Variants in PCDHGA11 observed in about 807,000 individuals in gnomAD.
PCDHGA11 encodes protocadherin gamma subfamily A, 11, also known as protocadherin gamma-A11.
In PCDHGA11, 39 loss-of-function variants were observed where a neutral mutation model predicts 60.4. The observed-to-expected ratio is 0.65, with a 90% confidence interval of 0.50 to 0.84. The LOEUF (loss-of-function observed/expected upper bound fraction) is 0.84, where lower values mean the gene tolerates loss of function less well. Ranked by LOEUF, PCDHGA11 falls within the 40% of genes least tolerant of loss-of-function variation. PCDHGA11 has a pLI of 0.00. For synonymous variants in PCDHGA11, 533 were observed against 510.3 expected, an observed-to-expected ratio of 1.04 and a Z score of -0.60; for missense variants, 1,165 against 1,197.7, an observed-to-expected ratio of 0.97 and a Z score of 0.40.
chr5:141,428,288 A>G (rs1413902705), intron 1 of PCDHGA11: 1 of 728,846 alleles, frequency 1.4e-6, no homozygotes, highest in Middle Eastern at 2.3e-4. Flanking sequence ...TCCCAAGCAA[A>G]GCTGCAGATT....
At chr5:141,461,830 CTT>C (rs1030113508) in intron 1 of PCDHGA11, among the ~76,000 whole-genome samples, 1 of 145,180 alleles carries the variant, frequency 6.9e-6, no homozygotes, top group Non-Finnish European at 1.5e-5. Context: ...ATTTTTTTTT[CTT>C]TTTTTTTTGA....
intron 3 of PCDHGA11, chr5:141,507,291 T>A (rs956764262): frequency 3.4e-5 from 5 of 147,704 alleles, no homozygotes; most frequent in African/African-American, 5.1e-5. Flanking sequence ...CAGTCTCAAA[T>A]GTTGCATGAG....
At chr5:141,457,108 T>C (rs186630889) in intron 1 of PCDHGA11, among the ~76,000 whole-genome samples, 40 of 152,338 alleles carry the variant, frequency 2.6e-4, no homozygotes, top group African/African-American at 9.1e-4. Flanking sequence ...TTAAGCAAAA[T>C]ACGACAGCAA....
Position 141,502,395 on chromosome 5 carries a change from G to A in PCDHGA11, c.2493-2998G>A, listed in dbSNP as rs115188718. The stretch of plus-strand genomic sequence containing the variant: ...GTCCAGGCCAGTTGTACTTTAAAAT[G>A]TCCCCGAACCTGGATTTGCTGGCTA... On this transcript the variant is annotated intron_variant, in intron 2 of 3. Transcript: ENST00000398587. Among the ~76,000 whole-genome samples, 610 of 151,894 alleles carry A rather than the reference G, an allele frequency of 4.0e-3. 3 individuals carry two copies. Among genetic ancestry groups the A allele is most frequent in the African/African-American group, 0.013 (553 of 41,410 alleles).
Position 141,490,867 on chromosome 5 carries a change from C to G in PCDHGA11, c.2434-3940C>G. ...GGGGGTTCGAGACTCCGGCTCTCCC[C>G]CATTGCATGCCAACACATCTCTGCA... On this transcript the variant is annotated intron_variant, in intron 1 of 3. Coordinates refer to ENST00000398587, the MANE Select transcript of PCDHGA11 (RefSeq NM_018914.3). This position sits in a 1 kb window ranked among gnomAD's most constrained non-coding sequence, Gnocchi z 5.4. 6.2e-7 allele frequency: 1 copy of G among 1,613,912 alleles called. No individual in the cohort carries two copies. The highest frequency in any genetic ancestry group is 8.5e-7 in the Non-Finnish European group (1 of 1,179,936).
At chr5:141,470,734 G>C (rs970003510) in intron 1 of PCDHGA11, among the ~76,000 whole-genome samples, 1 of 152,128 alleles carries the variant, frequency 6.6e-6, no homozygotes, top group South Asian at 2.1e-4. Context: ...GTCTTGCTCT[G>C]TCGCCCTGGC....
chr5:141,451,209 G>C (rs556588482), intron 1 of PCDHGA11, among the ~76,000 whole-genome samples: 1 of 152,266 alleles, frequency 6.6e-6, no homozygotes, highest in African/African-American at 2.4e-5. Flanking sequence ...CCAAAACTTA[G>C]TGGCTTAAAA....
At position 141,487,144 on chromosome 5, in the gene PCDHGA11, C is replaced by T. The variant is rs2099640304; in HGVS notation, c.2434-7663C>T. The T allele has an allele frequency of 6.2e-7, 1 of 1,614,032 alleles. No homozygotes were observed. Among genetic ancestry groups the T allele is most frequent in the African/African-American group, 1.3e-5 (1 of 75,056 alleles). On this transcript the variant is annotated intron_variant, in intron 1 of 3. Coordinates refer to ENST00000398587, the MANE Select transcript of PCDHGA11 (RefSeq NM_018914.3). This position sits in a 1 kb window ranked among gnomAD's most constrained non-coding sequence, Gnocchi z 5.0. ...ATAGTGGTAGTCCACCACTCTCTAC[C>T]TCTGTTACTCTCTTAGTGTCCTTAG...
chr5:141,462,477 G>A (rs1430561580), intron 1 of PCDHGA11, among the ~76,000 whole-genome samples: 1 of 151,828 alleles, frequency 6.6e-6, no homozygotes, highest in East Asian at 1.9e-4. Flanking sequence ...TCTGCTTCTC[G>A]TGGTTGTTGT....
chr5:141,429,395 A>T (rs545207705), intron 1 of PCDHGA11, among the ~76,000 whole-genome samples: 166 of 152,126 alleles, frequency 1.1e-3, no homozygotes, highest in African/African-American at 3.8e-3. Flanking sequence ...TTTAAAAAAA[A>T]TTGAGATTAA....
chr5:141,494,394 T>C (rs1437164389), intron 1 of PCDHGA11, among the ~76,000 whole-genome samples: 1 of 152,154 alleles, frequency 6.6e-6, no homozygotes, highest in African/African-American at 2.4e-5. Flanking sequence ...GTTGAATAAA[T>C]TCATTCTAGG....
chr5:141,471,204 C>T (rs1349368582), intron 1 of PCDHGA11: 2 of 151,866 alleles, frequency 1.3e-5, no homozygotes, highest in African/African-American at 4.8e-5. Flanking sequence ...CACCCACCCC[C>T]ATGCCTGGCA....
intron 1 of PCDHGA11, among the ~76,000 whole-genome samples, chr5:141,456,483 CTTAATA>C (rs2098861684): frequency 1.3e-5 from 2 of 152,072 alleles, no homozygotes; most frequent in African/African-American, 4.8e-5. Context: ...CAAGAGAGTG[CTTAATA>C]AAGGGGTTAA....
At chr5:141,481,531 G>A (rs1342825952) in intron 1 of PCDHGA11, among the ~76,000 whole-genome samples, 2 of 152,206 alleles carry the variant, frequency 1.3e-5, no homozygotes, top group African/African-American at 4.8e-5. Context: ...AAAATCTAGA[G>A]ATGGGGCTGG....
chr5:141,469,677 T>C (rs1271778909), intron 1 of PCDHGA11, among the ~76,000 whole-genome samples: 1 of 152,246 alleles, frequency 6.6e-6, no homozygotes, highest in African/African-American at 2.4e-5. Context: ...TAAAACTACA[T>C]ATGCATTGGT....
At chr5:141,428,001 T>G (rs149531447) in intron 1 of PCDHGA11, 10 of 1,601,704 alleles carry the variant, frequency 6.2e-6, no homozygotes, top group Non-Finnish European at 8.5e-6. Flanking sequence ...CTCCGCACTC[T>G]TCGATATAGT....
intron 1 of PCDHGA11, chr5:141,441,621 G>T: frequency 4.5e-6 from 1 of 223,408 alleles, no homozygotes; most frequent in South Asian, 5.2e-5. Context: ...CGTGGCCAGT[G>T]ACCTGGAGCC....
intron 2 of PCDHGA11, among the ~76,000 whole-genome samples, chr5:141,497,543 T>C (rs896069181): frequency 4.7e-5 from 7 of 149,068 alleles, no homozygotes; most frequent in Non-Finnish European, 9.0e-5. Context: ...AACAAACCTT[T>C]TTTTTTTTTT....
intron 1 of PCDHGA11, among the ~76,000 whole-genome samples, chr5:141,456,765 C>A (rs1468235444): frequency 2.0e-5 from 3 of 151,852 alleles, no homozygotes; most frequent in Non-Finnish European, 2.9e-5. Context: ...GAGTTTGAGA[C>A]CAGCCTGGCC....
Sources: allele counts gnomAD v4.1 joint callset (sites outside exome capture counted in the v4.1 genomes callset), GRCh38; gene constraint gnomAD v4.1.1; non-coding constraint Gnocchi (gnomAD v3.1); transcripts MANE v1.5; gene names NCBI Gene and HGNC (gene_info 2026-07-23, HGNC 2026-07-21).